Variants in NUP155 observed in about 807,000 individuals in gnomAD.
NUP155 encodes the protein nuclear pore complex protein Nup155.
NUP155 carries 71 observed loss-of-function variants against 180.4 expected under a neutral mutation model. The observed-to-expected ratio is 0.39, with a 90% CI of 0.33 to 0.48. The LOEUF is 0.48. Among genes scored for constraint, NUP155 ranks in the 20% least tolerant of loss-of-function variants. NUP155 has a pLI of 0.91. For missense variants in NUP155, 1,553 were observed against 1,648.9 expected (o/e 0.94, Z 1.01); for synonymous variants, 582 against 559.5 (o/e 1.04, Z -0.57).
intron 19 of NUP155, among the ~76,000 whole-genome samples, chr5:37,325,509 CTG>C (rs1002470733): frequency 1.3e-5 from 2 of 152,118 alleles, no homozygotes; most frequent in African/African-American, 2.4e-5. Flanking sequence ...GGCCCCCTGC[CTG>C]TAATCTTAGC....
intron 20 of NUP155, among the ~76,000 whole-genome samples, chr5:37,320,301 A>T (rs896918511): frequency 6.6e-6 from 1 of 152,088 alleles, no homozygotes; most frequent in African/African-American, 2.4e-5. Flanking sequence ...AACAAGGAGA[A>T]ACCCCGTCTC....
At chr5:37,318,131 G>T in intron 20 of NUP155, 46 bp from the exon 21 acceptor site, 1 of 993,418 alleles carries the variant, frequency 1.0e-6, no homozygotes, top group Non-Finnish European at 1.6e-6. Flanking sequence ...CAGCTTTATT[G>T]AGATATAACA....
chr5:37,299,956 T>C (rs1346400628), intron 30 of NUP155, among the ~76,000 whole-genome samples: 1 of 150,918 alleles, frequency 6.6e-6, no homozygotes, highest in African/African-American at 2.4e-5. Flanking sequence ...AAGGTGGAGG[T>C]TGCAGTCAGC....
chr5:37,294,235 G>C (rs1029983388), intron 33 of NUP155, 94 bp downstream of exon 33: 19 of 854,288 alleles, frequency 2.2e-5, no homozygotes, highest in Non-Finnish European at 3.0e-5. Flanking sequence ...CTAAGTGATA[G>C]GATACAAAAA....
chr5:37,315,146 C>T (rs1265606492), intron 21 of NUP155, among the ~76,000 whole-genome samples: 3 of 152,182 alleles, frequency 2.0e-5, no homozygotes, highest in South Asian at 2.1e-4. Flanking sequence ...GCAGGAGAAT[C>T]GCTTGGACCT....
At chr5:37,324,129 C>G (rs1744428563) in intron 19 of NUP155, 22 bp from the exon 20 acceptor site, 1 of 1,522,952 alleles carries the variant, frequency 6.6e-7, no homozygotes, top group Non-Finnish European at 9.1e-7. Flanking sequence ...AAAGATTTTT[C>G]AAAAGTTTAA....
chr5:37,349,218 T>A lies in NUP155; in HGVS notation c.857A>T (p.Asn286Ile). The A allele has an allele frequency of 1.2e-6, 1 of 837,510 alleles. No homozygotes were observed. Among genetic ancestry groups the A allele is most frequent in the South Asian group, 1.6e-5 (1 of 60,698 alleles). 51.9% of individuals were successfully genotyped at this position (837,510 alleles called of 1,614,324 possible). ...TCGTGTATATAAAATATTTCTAGAA[T>A]TATCAATTGCAATTTGAAGAATAGG... The part of the protein sequence containing the change: ...DDPILQIAID[N>I]SRNILYTRSE... Residue 286 changes from asparagine to isoleucine, a missense_variant, in exon 8 of 35, where the codon AAT becomes ATT. Asn to Ile is a moderately radical substitution (Grantham distance 149, BLOSUM62 -3). Coordinates refer to ENST00000231498, the MANE Select transcript of NUP155 (RefSeq NM_153485.3).
chr5:37,317,159 ACT>A (rs1487509924), intron 21 of NUP155, among the ~76,000 whole-genome samples: 2 of 149,472 alleles, frequency 1.3e-5, no homozygotes, highest in Non-Finnish European at 3.0e-5. Flanking sequence ...ACAGAGTGAG[ACT>A]CTGTCTCAAA....
intron 25 of NUP155, among the ~76,000 whole-genome samples, chr5:37,305,579 G>A (rs1743109008): frequency 6.6e-6 from 1 of 152,178 alleles, no homozygotes; most frequent in Admixed American, 6.6e-5. Flanking sequence ...CTATTCAGGT[G>A]AGTGAGGCAC....
At position 37,326,444 on chromosome 5, in the gene NUP155, T is replaced by A. The variant is rs918382954; in HGVS notation, c.2025-477A>T. ...CCTAAAAGGTGGTCTATTTCCCACC[T>A]TTTAAATCTGAGTTGGCCCTGTGAC... On this transcript the variant is annotated intron_variant, in intron 18 of 34. Coordinates refer to ENST00000231498, the MANE Select transcript of NUP155 (RefSeq NM_153485.3). Among the ~76,000 whole-genome samples, 5 of 152,204 alleles carry A rather than the reference T, an allele frequency of 3.3e-5. 1 individual carries two copies. The highest frequency in any genetic ancestry group is 1.2e-4 in the African/African-American group (5 of 41,462).
intron 2 of NUP155, 112 bp downstream of exon 2, chr5:37,364,135 A>C: frequency 8.7e-7 from 1 of 1,145,810 alleles, no homozygotes; most frequent in Non-Finnish European, 1.3e-6. Context: ...CGAATTTTAA[A>C]TAAAACCCTT....
At chr5:37,294,953 A>G (rs1339084806) in intron 32 of NUP155, among the ~76,000 whole-genome samples, 2 of 152,158 alleles carry the variant, frequency 1.3e-5, no homozygotes, top group African/African-American at 4.8e-5. Context: ...ATATAAGAAG[A>G]AAACAGAGAC....
intron 5 of NUP155, among the ~76,000 whole-genome samples, chr5:37,351,606 C>T (rs1581200254): frequency 6.6e-6 from 1 of 151,780 alleles, no homozygotes; most frequent in African/African-American, 2.4e-5. Context: ...GCCACCATGC[C>T]CAGCTAATTT....
chr5:37,300,756 A>G (rs747957902), intron 30 of NUP155, among the ~76,000 whole-genome samples: 1 of 152,080 alleles, frequency 6.6e-6, no homozygotes, highest in South Asian at 2.1e-4. Context: ...TCCTGGGCTA[A>G]ATCAATCCTC....
At chr5:37,322,145 C>T (rs1744285087) in intron 20 of NUP155, among the ~76,000 whole-genome samples, 1 of 152,044 alleles carries the variant, frequency 6.6e-6, no homozygotes, top group Non-Finnish European at 1.5e-5. Flanking sequence ...TCAGCCATCA[C>T]GCCCGGCCTA....
chr5:37,321,605 T>C (rs915806604), intron 20 of NUP155, among the ~76,000 whole-genome samples: 1 of 151,208 alleles, frequency 6.6e-6, no homozygotes, highest in African/African-American at 2.4e-5. Flanking sequence ...TAATCCCAGC[T>C]ACTCGGGAGG....
chr5:37,295,874 G>A (rs1355671238), intron 32 of NUP155, among the ~76,000 whole-genome samples: 1 of 148,462 alleles, frequency 6.7e-6, no homozygotes, highest in African/African-American at 2.5e-5. Context: ...CGGGAGGGAG[G>A]TTGGGGGGTC....
intron 9 of NUP155, among the ~76,000 whole-genome samples, chr5:37,348,282 T>G (rs1746232574): frequency 6.6e-6 from 1 of 151,776 alleles, no homozygotes; most frequent in African/African-American, 2.4e-5. Context: ...CCAGCCTGGG[T>G]GACAGAGTGA....
At chr5:37,319,106 C>T (rs1471583990) in intron 20 of NUP155, among the ~76,000 whole-genome samples, 2 of 152,186 alleles carry the variant, frequency 1.3e-5, no homozygotes, top group African/African-American at 2.4e-5. Context: ...AAAGACCACA[C>T]AGTATGATTC....
Sources: allele counts gnomAD v4.1 joint callset (sites outside exome capture counted in the v4.1 genomes callset), GRCh38; gene constraint gnomAD v4.1.1; transcripts MANE v1.5; gene names NCBI Gene and HGNC (gene_info 2026-07-23, HGNC 2026-07-21).